The following HECW2 variants were observed in gnomAD, a reference collection of about 807,000 sequenced individuals.
HECW2 encodes HECT, C2 and WW domain containing E3 ubiquitin protein ligase 2, also known as E3 ubiquitin-protein ligase HECW2.
In HECW2, 61 loss-of-function variants were observed where a neutral mutation model predicts 175.2. The observed-to-expected ratio is 0.35, with a 90% CI of 0.28 to 0.43. The LOEUF (loss-of-function observed/expected upper bound fraction) is 0.43, where lower values mean the gene tolerates loss of function less well. Among genes scored for constraint, HECW2 ranks in the 20% least tolerant of loss-of-function variants. HECW2 has a pLI of 1.00. For missense variants in HECW2, 1,524 were observed against 2,000.5 expected (o/e 0.76, Z 4.54); for synonymous variants, 671 against 731.0 (o/e 0.92, Z 1.32).
At chr2:196,443,908 G>A (rs1476782167) in intron 1 of HECW2, among the ~76,000 whole-genome samples, 7 of 152,240 alleles carry the variant, frequency 4.6e-5, no homozygotes, top group South Asian at 2.1e-4. Context: ...GGTGGCGTGC[G>A]CCTATAGTCC....
intron 21 of HECW2, among the ~76,000 whole-genome samples, chr2:196,232,138 G>A (rs1688082805): frequency 6.6e-6 from 1 of 152,160 alleles, no homozygotes. Context: ...GCATACAATG[G>A]ATAAGGTCGG....
intron 20 of HECW2, among the ~76,000 whole-genome samples, chr2:196,241,179 T>C: frequency 6.6e-6 from 1 of 152,206 alleles, no homozygotes; most frequent in Non-Finnish European, 1.5e-5. Flanking sequence ...TCCATAGATA[T>C]CAATTTGCTC....
chr2:196,323,736 C>T (rs147087256), intron 6 of HECW2, among the ~76,000 whole-genome samples: 2 of 152,150 alleles, frequency 1.3e-5, no homozygotes, highest in African/African-American at 2.4e-5. Context: ...CAGGCTTGCA[C>T]TGGTGACATG....
At chr2:196,371,799 C>T (rs1307817746) in intron 2 of HECW2, among the ~76,000 whole-genome samples, 1 of 152,178 alleles carries the variant, frequency 6.6e-6, no homozygotes, top group Non-Finnish European at 1.5e-5. Flanking sequence ...CTCTCCTAAC[C>T]CAGGATTTTA....
At chr2:196,540,397 G>A (rs1689170125) in intron 1 of HECW2, among the ~76,000 whole-genome samples, 1 of 151,852 alleles carries the variant, frequency 6.6e-6, no homozygotes, top group African/African-American at 2.4e-5. Context: ...AGTAAGAAAG[G>A]GGTATTTGTG....
rs759204639 is a variant in HECW2 at position 196,271,173 on chromosome 2, A to T, written c.3335+20T>A. The T allele has an allele frequency of 1.4e-6, 2 of 1,423,436 alleles. No homozygotes were observed. Among genetic ancestry groups the T allele is most frequent in the Non-Finnish European group, 9.9e-7 (1 of 1,009,664 alleles). The allele number at this position is 1,423,436 out of a possible 1,614,324, so 88.2% of individuals were successfully genotyped here. On this transcript the variant is annotated intron_variant, in intron 17 of 28. Transcript: ENST00000644978. ...GTTTGTGCTTATGCAACTTGAACCA[A>T]ATACCAATATTATTGTTACCTGAGT... is the stretch of plus-strand genomic sequence containing the variant.
At chr2:196,246,529 C>T (rs192998339) in intron 19 of HECW2, among the ~76,000 whole-genome samples, 62 of 151,966 alleles carry the variant, frequency 4.1e-4, no homozygotes, top group Non-Finnish European at 7.2e-4. Flanking sequence ...GGACTACAGG[C>T]GTCTGCCACC....
At chr2:196,220,989 G>C (rs1440364689) in intron 24 of HECW2, 48 bp from the exon 25 acceptor site, 1 of 1,591,566 alleles carries the variant, frequency 6.3e-7, no homozygotes, top group Admixed American at 1.7e-5. Flanking sequence ...TACTCTTAAT[G>C]TTATAACAAC....
intron 2 of HECW2, among the ~76,000 whole-genome samples, chr2:196,370,186 T>C (rs892047294): frequency 1.3e-5 from 2 of 152,028 alleles, no homozygotes; most frequent in Non-Finnish European, 2.9e-5. Flanking sequence ...GAGTACTACC[T>C]GGATACTGCT....
chr2:196,405,948 C>A (rs1008554774), intron 2 of HECW2, among the ~76,000 whole-genome samples: 1 of 152,182 alleles, frequency 6.6e-6, no homozygotes, highest in South Asian at 2.1e-4. Flanking sequence ...ACTGCTTGAC[C>A]TCCCTCCTAC....
At chr2:196,363,995 C>A (rs925191354) in intron 2 of HECW2, among the ~76,000 whole-genome samples, 3 of 152,152 alleles carry the variant, frequency 2.0e-5, no homozygotes, top group Admixed American at 6.5e-5. Context: ...TCATCTTGAG[C>A]TCTTGACTAC....
Position 196,215,936 on chromosome 2 carries a change from A to G in HECW2, c.4536T>C (p.Ala1512=). 1 of 1,613,998 alleles carries G rather than the reference A, an allele frequency of 6.2e-7. No homozygotes were observed. Among genetic ancestry groups the G allele is most frequent in the Non-Finnish European group, 8.5e-7 (1 of 1,179,896 alleles). ...TTGGGCCGTTACTCCCTCGGAGTGA[A>G]GCAAATCCTTCATAGGGAATGCTGG... ...GTSSIPYEGF[A]SLRGSNGPRR... Residue 1512 remains alanine, a synonymous_variant, in exon 28 of 29, where the codon GCT becomes GCC. Transcript: ENST00000644978.
intron 1 of HECW2, among the ~76,000 whole-genome samples, chr2:196,473,657 G>A (rs1214587571): frequency 6.6e-6 from 1 of 152,168 alleles, no homozygotes. Context: ...ACTTTCTACA[G>A]ACCAAATTTC....
At chr2:196,405,961 G>A (rs576509882) in intron 2 of HECW2, among the ~76,000 whole-genome samples, 1 of 152,218 alleles carries the variant, frequency 6.6e-6, no homozygotes, top group African/African-American at 2.4e-5. Flanking sequence ...CCTCCTACTT[G>A]ATTATCCCCT....
chr2:196,409,760 C>A (rs1366807342), intron 2 of HECW2, among the ~76,000 whole-genome samples: 1 of 152,156 alleles, frequency 6.6e-6, no homozygotes, highest in African/African-American at 2.4e-5. Context: ...AAGAAGCCCT[C>A]TAGGTATGAG....
chr2:196,223,839 C>G (rs1687756170), intron 23 of HECW2, among the ~76,000 whole-genome samples: 1 of 151,964 alleles, frequency 6.6e-6, no homozygotes. Flanking sequence ...TAGGGCTGTG[C>G]TATTAAGGTT....
chr2:196,400,885 T>C (rs1048568138), intron 2 of HECW2, among the ~76,000 whole-genome samples: 3 of 151,678 alleles, frequency 2.0e-5, no homozygotes, highest in Non-Finnish European at 4.4e-5. Context: ...ACTTAAAATA[T>C]AAATTTTAAA....
chr2:196,500,665 T>G (rs868603104), intron 1 of HECW2, among the ~76,000 whole-genome samples: 9 of 152,244 alleles, frequency 5.9e-5, no homozygotes, highest in South Asian at 2.1e-4. Flanking sequence ...TTGAATAACC[T>G]ATGCATTAAT....
intron 1 of HECW2, among the ~76,000 whole-genome samples, chr2:196,455,584 T>C (rs560874677): frequency 5.9e-5 from 9 of 152,328 alleles, no homozygotes; most frequent in African/African-American, 1.2e-4. Flanking sequence ...TTTTTCCATA[T>C]AGTTTTCTTA....
Sources: gnomAD v4.1 joint callset for allele counts (sites outside exome capture counted in the v4.1 genomes callset) on GRCh38, gnomAD v4.1.1 for gene constraint, MANE v1.5 for transcripts, NCBI Gene and HGNC (gene_info 2026-07-23, HGNC 2026-07-21) for gene names.